Variants in BMP5 observed in about 807,000 individuals in gnomAD.
The protein encoded by BMP5 is bone morphogenetic protein 5.
Under a neutral mutation model 46.6 loss-of-function variants are expected in BMP5, and 23 were observed. That is an observed-to-expected ratio of 0.49 (90% CI 0.35 to 0.70). The LOEUF (loss-of-function observed/expected upper bound fraction) is 0.70. BMP5 is among the 30% of genes least tolerant of loss of function. The probability of loss-of-function intolerance (pLI) is 0.00; values close to 1 mark genes in which losing one functional copy is unlikely to be tolerated. For synonymous variants in BMP5, 204 were observed against 191.9 expected, an observed-to-expected ratio of 1.06 and a Z score of -0.52; for missense variants, 545 against 565.6, an observed-to-expected ratio of 0.96 and a Z score of 0.37.
At chr6:55,780,118 T>C (rs971326266) in intron 3 of BMP5, among the ~76,000 whole-genome samples, 2 of 151,782 alleles carry the variant, frequency 1.3e-5, no homozygotes, top group South Asian at 2.1e-4. Context: ...TATTATATAT[T>C]GATAATTATA....
chr6:55,816,041 C>T (rs1776255252), intron 2 of BMP5, among the ~76,000 whole-genome samples: 1 of 151,800 alleles, frequency 6.6e-6, no homozygotes, highest in Non-Finnish European at 1.5e-5. Context: ...CAATTAAATA[C>T]AATTAATAAA....
At chr6:55,809,264 T>C (rs763427512) in intron 2 of BMP5, among the ~76,000 whole-genome samples, 11 of 152,216 alleles carry the variant, frequency 7.2e-5, no homozygotes, top group Non-Finnish European at 1.6e-4. Flanking sequence ...ACATGTATAG[T>C]GTGTAAATGT....
intron 2 of BMP5, among the ~76,000 whole-genome samples, chr6:55,803,829 A>G (rs1341578627): frequency 1.5e-4 from 23 of 152,300 alleles, no homozygotes; most frequent in Admixed American, 1.5e-3. Flanking sequence ...TGAGAAAGAC[A>G]TGGTTTCTAA....
In BMP5 at chr6:55,874,836, A is replaced by G. The variant is rs1258990934; in HGVS notation, c.30T>C (p.Gly10=). MHLTVFLLK[G]IVGFLWSCWV... ...AGCAGCTCCAGAGGAAACCCACAATACCCTTAAGTAAAAATACAGTCAGAT... is the reference window on the plus strand; with the variant it reads ...AGCAGCTCCAGAGGAAACCCACAATGCCCTTAAGTAAAAATACAGTCAGAT... The change falls in exon 1 of 7, where the codon GGT becomes GGC. Residue 10 remains glycine (G), a synonymous_variant. Transcript: ENST00000370830. The G allele has an allele frequency of 1.2e-6, 2 of 1,612,880 alleles. No individual in the cohort carries two copies. Among genetic ancestry groups the G allele is most frequent in the Non-Finnish European group, 1.7e-6 (2 of 1,179,478 alleles).
intron 1 of BMP5, among the ~76,000 whole-genome samples, chr6:55,841,086 C>T (rs1476510451): frequency 6.6e-6 from 1 of 152,144 alleles, no homozygotes; most frequent in African/African-American, 2.4e-5. Context: ...AAGGGATCTT[C>T]ATTGCATGTT....
chr6:55,835,305 T>A (rs777237250), intron 1 of BMP5, among the ~76,000 whole-genome samples: 12 of 152,144 alleles, frequency 7.9e-5, no homozygotes, highest in Admixed American at 2.6e-4. Context: ...CAAGATTGGA[T>A]CAAAAGCATA....
intron 1 of BMP5, among the ~76,000 whole-genome samples, chr6:55,826,175 G>A (rs774884607): frequency 1.3e-5 from 2 of 151,732 alleles, no homozygotes; most frequent in Admixed American, 1.3e-4. Flanking sequence ...GCAAACTCCA[G>A]ATTCCAGAAG....
rs895681629 is a variant in BMP5 at position 55,788,037 on chromosome 6, T to C, written c.832+6242A>G. ...AATATTTATTTGATCTTGTGTTCTA[T>C]GAACATTAAAATCCTGCTTGTAATT... On this transcript the variant is annotated intron_variant, in intron 3 of 6. Coordinates refer to ENST00000370830, the MANE Select transcript of BMP5 (RefSeq NM_021073.4). 2.1e-4 allele frequency among the ~76,000 whole-genome samples: 32 copies of C among 151,796 alleles called. 1 individual carries two copies. Among genetic ancestry groups the C allele is most frequent in the Middle Eastern group, 6.8e-3 (2 of 294 alleles).
In BMP5 at chr6:55,759,010, T is replaced by A. The variant is rs1284903623; in HGVS notation, c.1210A>T (p.Thr404Ser). ...CCTTCAAAAACAAAGCTTACCAGAG[T>A]CTGAACTATAGCGTGGTTGGTGGCA... ...MNATNHAIVQ[T>S]LVHLMFPDHV... Residue 404 changes from threonine to serine, a missense_variant, in exon 6 of 7, where the codon ACT (threonine) becomes TCT (serine). Transcript: ENST00000370830. 1 of 1,595,354 alleles carries A rather than the reference T, an allele frequency of 6.3e-7. No individual in the cohort carries two copies. The highest frequency in any genetic ancestry group is 8.6e-7 in the Non-Finnish European group (1 of 1,164,922).
At chr6:55,770,736 T>C (rs1775028751) in intron 4 of BMP5, among the ~76,000 whole-genome samples, 1 of 151,936 alleles carries the variant, frequency 6.6e-6, no homozygotes, top group African/African-American at 2.4e-5. Flanking sequence ...GTTTAAATCT[T>C]CCTTTCATTT....
chr6:55,828,794 G>A (rs541214118), intron 1 of BMP5, among the ~76,000 whole-genome samples: 1 of 151,730 alleles, frequency 6.6e-6, no homozygotes, highest in East Asian at 1.9e-4. Context: ...TAGTTTAAAG[G>A]ATATGAGGAT....
intron 5 of BMP5, among the ~76,000 whole-genome samples, chr6:55,759,760 G>C (rs1774719817): frequency 6.6e-6 from 1 of 151,838 alleles, no homozygotes; most frequent in African/African-American, 2.4e-5. Context: ...TGGTTGCCTT[G>C]ATATTTTTCC....
intron 1 of BMP5, among the ~76,000 whole-genome samples, chr6:55,856,935 AT>A (rs2127552118): frequency 6.6e-6 from 1 of 152,218 alleles, no homozygotes; most frequent in African/African-American, 2.4e-5. Flanking sequence ...GCTTCTACCA[AT>A]TTTTACTTAC....
intron 4 of BMP5, among the ~76,000 whole-genome samples, chr6:55,764,693 C>T (rs1774879457): frequency 6.7e-6 from 1 of 150,090 alleles, no homozygotes; most frequent in Admixed American, 6.6e-5. Context: ...GACAAATAAC[C>T]CCTGTTCTTA....
intron 2 of BMP5, among the ~76,000 whole-genome samples, chr6:55,814,921 G>A (rs1776219410): frequency 1.3e-5 from 2 of 152,138 alleles, no homozygotes; most frequent in African/African-American, 4.8e-5. Flanking sequence ...CCTGAGGTCA[G>A]GAGTTCAAGA....
chr6:55,830,704 A>C (rs949609859), intron 1 of BMP5, among the ~76,000 whole-genome samples: 6 of 152,082 alleles, frequency 3.9e-5, no homozygotes, highest in Admixed American at 3.3e-4. Flanking sequence ...CCATCTAACT[A>C]ACTCATATAT....
At chr6:55,810,828 T>TCCA (rs1184250349) in intron 2 of BMP5, among the ~76,000 whole-genome samples, 7 of 152,140 alleles carry the variant, frequency 4.6e-5, no homozygotes, top group Non-Finnish European at 8.8e-5. Context: ...TTTTAGAAGG[T>TCCA]TTAGCAGCAT....
chr6:55,814,110 G>T (rs931007427), intron 2 of BMP5, among the ~76,000 whole-genome samples: 25 of 151,784 alleles, frequency 1.6e-4, no homozygotes, highest in Non-Finnish European at 7.4e-5. Context: ...ATTAAATTGG[G>T]TGGCATTTAT....
chr6:55,779,873 T>C (rs923632709), intron 3 of BMP5, among the ~76,000 whole-genome samples: 2 of 151,996 alleles, frequency 1.3e-5, no homozygotes, highest in Admixed American at 6.6e-5. Flanking sequence ...TTACATTGCT[T>C]TATAAATTCA....
Sources: gnomAD v4.1 joint callset for allele counts (sites outside exome capture counted in the v4.1 genomes callset) on GRCh38, gnomAD v4.1.1 for gene constraint, MANE v1.5 for transcripts, NCBI Gene and HGNC (gene_info 2026-07-23, HGNC 2026-07-21) for gene names.